The following ZNF827 variants were observed in gnomAD, a reference collection of about 807,000 sequenced individuals.
The protein encoded by ZNF827 is zinc finger protein 827.
A neutral mutation model predicts 102.4 loss-of-function variants in ZNF827; 13 were observed. That is an observed-to-expected ratio of 0.13 (90% confidence interval 0.08 to 0.20). The LOEUF is 0.20. ZNF827 is among the 10% of genes least tolerant of loss of function. The pLI is 1.00. For synonymous variants in ZNF827, 523 were observed against 536.2 expected (o/e 0.98, Z 0.34); for missense variants, 1,103 against 1,344.4 (o/e 0.82, Z 2.81).
chr4:145,848,622 G>C (rs763801258), intron 6 of ZNF827, among the ~76,000 whole-genome samples: 7 of 151,690 alleles, frequency 4.6e-5, no homozygotes, highest in Non-Finnish European at 7.4e-5. Context: ...CCTCAATCAT[G>C]TGCAAAAAAA....
chr4:145,889,746 G>A (rs895909549), intron 3 of ZNF827, among the ~76,000 whole-genome samples: 1 of 152,134 alleles, frequency 6.6e-6, no homozygotes, highest in African/African-American at 2.4e-5. Context: ...GGAGACCGAG[G>A]CAAGTGAACT....
At chr4:145,935,814 G>C (rs1754119496) in intron 1 of ZNF827, among the ~76,000 whole-genome samples, 1 of 152,124 alleles carries the variant, frequency 6.6e-6, no homozygotes, top group Admixed American at 6.5e-5. Context: ...CCTCTCAGAC[G>C]GAGAGGGTAG....
In ZNF827 at chr4:145,823,462, C is replaced by T. The variant is rs755454719; in HGVS notation, c.2343G>A (p.Leu781=). 2.5e-6 allele frequency: 4 copies of T among 1,610,492 alleles called. No homozygotes were observed. Among genetic ancestry groups the T allele is most frequent in the Non-Finnish European group, 1.7e-6 (2 of 1,179,410 alleles). The change falls in exon 8 of 15, where the codon CTG becomes CTA. Residue 781 remains leucine, a synonymous_variant. Transcript: ENST00000508784. Reference sequence around the variant, plus strand: ...TTCCGTGCAGCACGGAGTCACTGGGCAGCAGTTCTTTTGAATTGGAGGTGA... The same window carrying T: ...TTCCGTGCAGCACGGAGTCACTGGGTAGCAGTTCTTTTGAATTGGAGGTGA... ...SPFTSNSKEL[L]PSDSVLHGRI...
chr4:145,927,989 G>A (rs560945287), intron 1 of ZNF827, among the ~76,000 whole-genome samples: 8 of 152,334 alleles, frequency 5.3e-5, no homozygotes, highest in African/African-American at 1.9e-4. Flanking sequence ...TGATGGGAGA[G>A]TTTAAGGGAG....
intron 11 of ZNF827, among the ~76,000 whole-genome samples, chr4:145,766,317 A>G (rs2126875889): frequency 6.6e-6 from 1 of 152,378 alleles, no homozygotes; most frequent in Non-Finnish European, 1.5e-5. Flanking sequence ...TCTACTCAAG[A>G]GAGCGCGTCA....
chr4:145,768,293 T>C lies in ZNF827; in HGVS notation c.2861-2555A>G, dbSNP rs142633370. Reference sequence around the variant, plus strand: ...AATTTTCCTGCCTCAGCCTCCCAAGTAGCTGGGATTACAGGTGTGTGCCAT... The same window carrying C: ...AATTTTCCTGCCTCAGCCTCCCAAGCAGCTGGGATTACAGGTGTGTGCCAT... On this transcript the variant is annotated intron_variant, in intron 11 of 14. Coordinates refer to ENST00000508784, the MANE Select transcript of ZNF827 (RefSeq NM_001306215.2). Among the ~76,000 whole-genome samples the C allele has an allele frequency of 5.3e-3, 813 of 152,252 alleles. 12 individuals are homozygous for C. Among genetic ancestry groups the C allele is most frequent in the African/African-American group, 0.019 (784 of 41,536 alleles).
At chr4:145,808,596 G>A (rs1021757621) in intron 8 of ZNF827, among the ~76,000 whole-genome samples, 2 of 152,214 alleles carry the variant, frequency 1.3e-5, no homozygotes, top group Non-Finnish European at 2.9e-5. Flanking sequence ...AATTATGAAG[G>A]TAGTAGGTAC....
intron 8 of ZNF827, among the ~76,000 whole-genome samples, chr4:145,813,583 T>C (rs1055922440): frequency 2.0e-5 from 3 of 152,310 alleles, no homozygotes; most frequent in South Asian, 2.1e-4. Context: ...ATTCTATTTA[T>C]AAAAGGCTTT....
At position 145,762,298 on chromosome 4, in the gene ZNF827, G is replaced by A. The variant is rs982214746; in HGVS notation, c.*18-700C>T. Among the ~76,000 whole-genome samples, 6 of 152,160 alleles carry A rather than the reference G, an allele frequency of 3.9e-5. No homozygotes were observed. Among genetic ancestry groups the A allele is most frequent in the Non-Finnish European group, 8.8e-5 (6 of 68,030 alleles). ...CTATGGCAGGGGCATGGGAGGAGAA[G>A]GAAGCCCACCCAACGGCCCATCTGC... On this transcript the variant is annotated intron_variant, in intron 14 of 14. Coordinates refer to ENST00000508784, the MANE Select transcript of ZNF827 (RefSeq NM_001306215.2). The surrounding 1 kb of genome is among the most constrained non-coding windows in gnomAD (Gnocchi z 4.9).
chr4:145,779,697 G>T (rs1737673008), intron 8 of ZNF827, among the ~76,000 whole-genome samples, 186 bp from the exon 9 acceptor site: 1 of 152,226 alleles, frequency 6.6e-6, no homozygotes, highest in African/African-American at 2.4e-5. Context: ...GAAAGCTGCG[G>T]TGGCAAGTGG....
intron 5 of ZNF827, among the ~76,000 whole-genome samples, chr4:145,864,910 A>G (rs948476769): frequency 3.9e-5 from 6 of 152,344 alleles, no homozygotes; most frequent in Admixed American, 3.3e-4. Flanking sequence ...TGTATTTTCC[A>G]TCCGTATAGA....
intron 8 of ZNF827, among the ~76,000 whole-genome samples, chr4:145,801,616 T>C (rs977580557): frequency 1.3e-5 from 2 of 152,234 alleles, no homozygotes; most frequent in Non-Finnish European, 2.9e-5. Context: ...CTTGTGTTTC[T>C]TTCAAATCAC....
intron 7 of ZNF827, among the ~76,000 whole-genome samples, chr4:145,825,223 T>C (rs1483684664): frequency 6.6e-6 from 1 of 152,088 alleles, no homozygotes; most frequent in Non-Finnish European, 1.5e-5. Flanking sequence ...GTAGGGTCAT[T>C]AGGGTTTCAA....
intron 7 of ZNF827, among the ~76,000 whole-genome samples, chr4:145,828,794 CAGCACAGGGCTG>C (rs892972575): frequency 1.3e-5 from 2 of 152,100 alleles, no homozygotes; most frequent in African/African-American, 4.8e-5. Context: ...GTGGGGTCAG[CAGCACAGGGCTG>C]AGAAAGGAAA....
intron 1 of ZNF827, among the ~76,000 whole-genome samples, chr4:145,937,636 T>A (rs1023844642): frequency 1.4e-5 from 2 of 144,848 alleles, no homozygotes; most frequent in African/African-American, 2.5e-5. Flanking sequence ...TGTACCCGTG[T>A]GTTTGTGTGC....
In ZNF827 at chr4:145,759,767, T is replaced by C; in HGVS notation, c.*1849A>G. The C allele has an allele frequency of 6.6e-6, 1 of 152,200 alleles. No individual in the cohort carries two copies. 9.4% of individuals were successfully genotyped at this position (152,200 alleles called of 1,614,324 possible). ...AAACTGCCATTTCTTTTTTTTAGTC[T>C]GAGCATTTATACCCAGAATTTATCC... On this transcript the variant is annotated 3_prime_UTR_variant, in exon 15 of 15. Transcript: ENST00000508784.
chr4:145,774,679 G>GAAAGGGTA lies in ZNF827; in HGVS notation c.2694-15_2694-8dup. 1 of 1,612,360 alleles carries GAAAGGGTA rather than the reference G, an allele frequency of 6.2e-7. No homozygotes were observed. Among genetic ancestry groups the GAAAGGGTA allele is most frequent in the Non-Finnish European group, 8.5e-7 (1 of 1,179,058 alleles). On this transcript the variant is annotated splice_region_variant and splice_polypyrimidine_tract_variant and intron_variant, in intron 10 of 14. Transcript: ENST00000508784. ...AAATCCACACACGTGACAACTACAT[G>GAAAGGGTA]AAAGGGTAAAAGAAAAGAGGGGGAG...
chr4:145,841,268 A>C (rs1745389025), intron 7 of ZNF827, among the ~76,000 whole-genome samples: 1 of 152,148 alleles, frequency 6.6e-6, no homozygotes, highest in Non-Finnish European at 1.5e-5. Context: ...CTAGGGTTCC[A>C]TTTTCCTATC....
intron 7 of ZNF827, 27 bp downstream of exon 7, chr4:145,845,929 T>C: frequency 1.9e-6 from 3 of 1,614,038 alleles, no homozygotes; most frequent in South Asian, 1.1e-5. Context: ...CGGGGTGTTC[T>C]GGAGGAACCC....
Sources: gnomAD v4.1 joint callset for allele counts (sites outside exome capture counted in the v4.1 genomes callset) on GRCh38, gnomAD v4.1.1 for gene constraint, Gnocchi (gnomAD v3.1) non-coding constraint, MANE v1.5 for transcripts, NCBI Gene and HGNC (gene_info 2026-07-23, HGNC 2026-07-21) for gene names.